The following RARB variants were observed in gnomAD, a reference collection of about 807,000 sequenced individuals.
RARB encodes HBV-activated protein.
RARB carries 17 observed loss-of-function variants against 51.9 expected under a neutral mutation model. That is an observed-to-expected ratio of 0.33 (90% CI 0.22 to 0.49). The LOEUF (loss-of-function observed/expected upper bound fraction) is 0.49, where lower values mean the gene tolerates loss of function less well. RARB is among the 20% of genes least tolerant of loss of function. The probability of loss-of-function intolerance (pLI) is 0.99; values close to 1 mark genes in which losing one functional copy is unlikely to be tolerated. For missense variants in RARB, 369 were observed against 550.8 expected (o/e 0.67, Z 3.30); for synonymous variants, 215 against 195.4 (o/e 1.10, Z -0.84).
At chr3:25,081,163 A>G (rs1698986480) in intron 3 of RARB, among the ~76,000 whole-genome samples, 1 of 152,110 alleles carries the variant, frequency 6.6e-6, no homozygotes, top group Admixed American at 6.5e-5. Flanking sequence ...TTATAATTTA[A>G]TTCAAAATAT....
At chr3:25,279,176 GT>G (rs747660313) in intron 5 of RARB, among the ~76,000 whole-genome samples, 1 of 152,156 alleles carries the variant, frequency 6.6e-6, no homozygotes, top group Non-Finnish European at 1.5e-5. Flanking sequence ...AATGCAGAAG[GT>G]TACTTGTCTT....
chr3:24,931,589 G>A (rs77684355), intron 2 of RARB, among the ~76,000 whole-genome samples: 3,211 of 152,176 alleles, frequency 0.021, 115 homozygotes, highest in African/African-American at 0.074. Context: ...TATATATAAT[G>A]CAGAGTACAG....
intron 2 of RARB, among the ~76,000 whole-genome samples, chr3:24,971,185 G>T (rs1201450584): frequency 6.6e-6 from 1 of 151,904 alleles, no homozygotes; most frequent in Non-Finnish European, 1.5e-5. Flanking sequence ...CATGCCAATT[G>T]TCTCCATGCA....
chr3:25,152,453 G>A (rs1700302680), intron 4 of RARB, among the ~76,000 whole-genome samples: 1 of 152,122 alleles, frequency 6.6e-6, no homozygotes, highest in South Asian at 2.1e-4. Flanking sequence ...GGGGAAAATG[G>A]TTATCGACTG....
chr3:25,059,660 C>T (rs1484882375), intron 2 of RARB, among the ~76,000 whole-genome samples: 1 of 151,572 alleles, frequency 6.6e-6, no homozygotes, highest in African/African-American at 2.4e-5. Flanking sequence ...ATTGTGGAGA[C>T]AAAGTTCAAG....
chr3:25,201,086 C>A (rs1167826678), intron 5 of RARB, among the ~76,000 whole-genome samples: 4 of 151,994 alleles, frequency 2.6e-5, no homozygotes, highest in Non-Finnish European at 5.9e-5. Flanking sequence ...ATGGAATGTT[C>A]TTCCATTTGT....
At chr3:24,966,272 C>G (rs1696253670) in intron 2 of RARB, among the ~76,000 whole-genome samples, 1 of 151,900 alleles carries the variant, frequency 6.6e-6, no homozygotes, top group Non-Finnish European at 1.5e-5. Flanking sequence ...TTAGGTCAGC[C>G]TAAGGGTAAG....
intron 5 of RARB, among the ~76,000 whole-genome samples, chr3:25,329,781 A>C (rs549352960): frequency 3.8e-4 from 58 of 152,278 alleles, no homozygotes; most frequent in South Asian, 1.0e-3. Flanking sequence ...AGATTAGACA[A>C]ATGGCTAACT....
chr3:25,022,805 G>A (rs1181315556), intron 2 of RARB, among the ~76,000 whole-genome samples: 2 of 152,198 alleles, frequency 1.3e-5, no homozygotes, highest in Admixed American at 6.5e-5. Context: ...GCAAGAAGCA[G>A]CATGGTGGGA....
intron 5 of RARB, among the ~76,000 whole-genome samples, chr3:25,327,696 A>T (rs1704767049): frequency 6.6e-6 from 1 of 152,360 alleles, no homozygotes; most frequent in Non-Finnish European, 1.5e-5. Flanking sequence ...ACCAACATAA[A>T]TCAGAAATGT....
At chr3:24,979,773 A>G (rs969518357) in intron 2 of RARB, among the ~76,000 whole-genome samples, 1 of 152,000 alleles carries the variant, frequency 6.6e-6, no homozygotes, top group East Asian at 1.9e-4. Flanking sequence ...ACCCATTTTC[A>G]TTTAAGGTTA....
intron 5 of RARB, among the ~76,000 whole-genome samples, chr3:25,342,706 C>A (rs146917128): frequency 1.8e-3 from 279 of 152,294 alleles, no homozygotes; most frequent in African/African-American, 6.4e-3. Context: ...TGCAGCTGAA[C>A]GCAGCCCTAC....
At chr3:25,408,929 G>T (rs1434262041) in intron 5 of RARB, among the ~76,000 whole-genome samples, 1 of 152,138 alleles carries the variant, frequency 6.6e-6, no homozygotes, top group South Asian at 2.1e-4. Context: ...AGCTACTTGG[G>T]GGGCTGAGGC....
chr3:25,586,202 C>T (rs1354162302), intron 5 of RARB, among the ~76,000 whole-genome samples: 1 of 152,106 alleles, frequency 6.6e-6, no homozygotes, highest in Non-Finnish European at 1.5e-5. Flanking sequence ...CATGTTCTTC[C>T]TGGCCTATTC....
At chr3:25,514,532 C>G (rs978506057) in intron 3 of RARB, among the ~76,000 whole-genome samples, 1 of 152,000 alleles carries the variant, frequency 6.6e-6, no homozygotes, top group Non-Finnish European at 1.5e-5. Context: ...CTGCTCCTTT[C>G]ATTTTCAAAA....
intron 3 of RARB, among the ~76,000 whole-genome samples, chr3:25,510,501 C>G (rs1697835535): frequency 6.6e-6 from 1 of 151,932 alleles, no homozygotes; most frequent in East Asian, 1.9e-4. Context: ...TGGTGAGCCT[C>G]TGTAATCCCA....
chr3:25,164,021 A>G (rs1274537993), intron 4 of RARB, among the ~76,000 whole-genome samples: 1 of 152,144 alleles, frequency 6.6e-6, no homozygotes, highest in Admixed American at 6.6e-5. Flanking sequence ...AACAGACTAC[A>G]AGGAGTGCAG....
At chr3:25,252,717 A>G (rs990201571) in intron 5 of RARB, among the ~76,000 whole-genome samples, 22 of 152,204 alleles carry the variant, frequency 1.4e-4, no homozygotes, top group Admixed American at 9.2e-4. Flanking sequence ...ACCTTGCTGA[A>G]CATATTTATT....
At chr3:25,449,075 T>G (rs1709075178) in intron 1 of RARB, among the ~76,000 whole-genome samples, 1 of 152,062 alleles carries the variant, frequency 6.6e-6, no homozygotes, top group South Asian at 2.1e-4. Context: ...AAGGAGAACC[T>G]GCGTAGGGGC....
Sources: gnomAD v4.1 joint callset for allele counts (sites outside exome capture counted in the v4.1 genomes callset) on GRCh38, gnomAD v4.1.1 for gene constraint, MANE v1.5 for transcripts, NCBI Gene and HGNC (gene_info 2026-07-23, HGNC 2026-07-21) for gene names.